The following BMPR1B variants were observed in gnomAD, a reference collection of about 807,000 sequenced individuals.
BMPR1B encodes the protein bone morphogenetic protein receptor type 1B.
In BMPR1B, 12 loss-of-function variants were observed where a neutral mutation model predicts 59.1. That is an observed-to-expected ratio of 0.20 (90% confidence interval 0.13 to 0.33). BMPR1B has a LOEUF of 0.33. Among genes scored for constraint, BMPR1B ranks in the 10% least tolerant of loss-of-function variants. The probability of loss-of-function intolerance (pLI) is 1.00; values close to 1 mark genes in which losing one functional copy is unlikely to be tolerated. For synonymous variants in BMPR1B, 237 were observed against 207.3 expected, an observed-to-expected ratio of 1.14 and a Z score of -1.23; for missense variants, 550 against 610.9, an observed-to-expected ratio of 0.90 and a Z score of 1.05.
At chr4:95,001,126 G>T (rs1578906087) in intron 3 of BMPR1B, among the ~76,000 whole-genome samples, 1 of 152,026 alleles carries the variant, frequency 6.6e-6, no homozygotes, top group East Asian at 1.9e-4. Context: ...AAGCTCTAGG[G>T]TACATGTGCA....
At chr4:94,770,180 GTGTTTGTTTTTT>G (rs781209848) in intron 1 of BMPR1B, among the ~76,000 whole-genome samples, 24 of 106,258 alleles carry the variant, frequency 2.3e-4, no homozygotes, top group East Asian at 6.4e-4. Context: ...CTTCGTTTCT[GTGTTTGTTTTTT>G]TTTTTTTTTT....
At chr4:94,986,145 A>G (rs994197061) in intron 2 of BMPR1B, among the ~76,000 whole-genome samples, 4 of 152,328 alleles carry the variant, frequency 2.6e-5, no homozygotes, top group South Asian at 2.1e-4. Context: ...AAACAAAAAC[A>G]TAAGTAGTTT....
intron 1 of BMPR1B, among the ~76,000 whole-genome samples, chr4:94,784,836 C>T (rs1722705504): frequency 1.3e-5 from 2 of 152,136 alleles, no homozygotes; most frequent in Non-Finnish European, 2.9e-5. Context: ...TCATTGTAAC[C>T]TCATCTTTGA....
chr4:95,091,617 A>G, intron 3 of BMPR1B: 2 of 985,222 alleles, frequency 2.0e-6, no homozygotes, highest in Non-Finnish European at 2.4e-6. Context: ...TCAAGCGTAC[A>G]GAAATCAAAA....
intron 1 of BMPR1B, among the ~76,000 whole-genome samples, chr4:94,841,847 A>G (rs1040828151): frequency 3.9e-5 from 6 of 152,246 alleles, no homozygotes; most frequent in Non-Finnish European, 7.3e-5. Context: ...ATATCTGTGA[A>G]TAAAGTGGTT....
In BMPR1B at chr4:95,025,225, A is replaced by G. The variant is rs538587085; in HGVS notation, c.-18+29091A>G. Among the ~76,000 whole-genome samples, 3 of 152,290 alleles carry G rather than the reference A, an allele frequency of 2.0e-5. No individual in the cohort carries two copies. The South Asian group carries it at 6.2e-4, about 32-fold the overall frequency. ...TCGCAAAGGGGAAAGTGATAAGAAA[A>G]GAGGTCAAAGAATCAGATCGAGGCC... On this transcript the variant is annotated intron_variant, in intron 3 of 12. Coordinates refer to ENST00000515059, the MANE Select transcript of BMPR1B (RefSeq NM_001203.3).
At chr4:95,141,732 C>T (rs1382589524) in intron 10 of BMPR1B, among the ~76,000 whole-genome samples, 1 of 152,152 alleles carries the variant, frequency 6.6e-6, no homozygotes, top group Non-Finnish European at 1.5e-5. Flanking sequence ...CACTCTGAGA[C>T]TTCAGAGTCA....
At chr4:95,100,857 A>G (rs1008625653) in intron 3 of BMPR1B, among the ~76,000 whole-genome samples, 1 of 152,098 alleles carries the variant, frequency 6.6e-6, no homozygotes, top group African/African-American at 2.4e-5. Flanking sequence ...TTGTTTCATG[A>G]TATAATGTAT....
Position 95,125,043 on chromosome 4 carries a change from C to T in BMPR1B, c.507C>T (p.Tyr169=), listed in dbSNP as rs780264116. The change falls in exon 8 of 13, where the codon TAC becomes TAT. Residue 169 remains tyrosine (Y), a synonymous_variant. Coordinates refer to ENST00000515059, the MANE Select transcript of BMPR1B (RefSeq NM_001203.3). The part of the protein sequence containing the change: ...YSIGLEQDET[Y]IPPGESLRDL... ...TTGGGTTAGAACAGGATGAAACTTA[C>T]ATTCCTCCTGGAGAATCCCTGAGAG... 32 of 1,613,366 alleles carry T rather than the reference C, an allele frequency of 2.0e-5. No individual in the cohort carries two copies. Among genetic ancestry groups the T allele is most frequent in the African/African-American group, 4.0e-5 (3 of 74,906 alleles).
At chr4:95,132,051 C>T (rs1193790442) in intron 10 of BMPR1B, among the ~76,000 whole-genome samples, 1 of 152,142 alleles carries the variant, frequency 6.6e-6, no homozygotes, top group East Asian at 1.9e-4. Context: ...CTTAGGGCTG[C>T]TTGGGTTACA....
intron 3 of BMPR1B, among the ~76,000 whole-genome samples, chr4:95,073,626 G>C (rs1728484797): frequency 6.6e-6 from 1 of 152,020 alleles, no homozygotes; most frequent in Non-Finnish European, 1.5e-5. Context: ...TGATACTCTG[G>C]ATAACTTCTT....
At chr4:95,013,123 G>A (rs1578926622) in intron 3 of BMPR1B, among the ~76,000 whole-genome samples, 1 of 151,314 alleles carries the variant, frequency 6.6e-6, no homozygotes, top group Non-Finnish European at 1.5e-5. Flanking sequence ...AAAAAGTTAT[G>A]TGCCCTTTAG....
At chr4:94,875,358 G>A (rs1445956397) in intron 1 of BMPR1B, among the ~76,000 whole-genome samples, 1 of 152,156 alleles carries the variant, frequency 6.6e-6, no homozygotes, top group Non-Finnish European at 1.5e-5. Flanking sequence ...ATGGGAAGAT[G>A]TGCTTTATTT....
At chr4:95,066,212 A>G (rs1284693401) in intron 3 of BMPR1B, among the ~76,000 whole-genome samples, 1 of 152,232 alleles carries the variant, frequency 6.6e-6, no homozygotes, top group East Asian at 1.9e-4. Flanking sequence ...TTACTTTTCT[A>G]CTTGTTAATA....
chr4:95,124,904 G>A lies in BMPR1B; in HGVS notation c.447-79G>A, dbSNP rs372561274. 50 of 1,363,172 alleles carry A rather than the reference G, an allele frequency of 3.7e-5. No homozygotes were observed. The South Asian group carries it at 4.9e-4, about 13-fold the overall frequency. 84.4% of individuals were successfully genotyped at this position (1,363,172 alleles called of 1,614,324 possible). On this transcript the variant is annotated intron_variant, in intron 7 of 12. Transcript: ENST00000515059. ...TTAGGTGCTAAAATAAAACTGCTGT[G>A]ATTACCATTTTAGTTGCAATATTTT...
At chr4:95,030,137 A>G (rs1724721287) in intron 3 of BMPR1B, among the ~76,000 whole-genome samples, 1 of 151,506 alleles carries the variant, frequency 6.6e-6, no homozygotes, top group Non-Finnish European at 1.5e-5. Flanking sequence ...CCCATTTGTC[A>G]ATTTTGGCTT....
intron 1 of BMPR1B, among the ~76,000 whole-genome samples, chr4:94,790,037 A>G (rs1417860029): frequency 1.3e-5 from 2 of 152,186 alleles, no homozygotes; most frequent in Non-Finnish European, 2.9e-5. Context: ...TTTCTTAATA[A>G]CATTTTCTTT....
At chr4:94,989,260 G>A (rs958458738) in intron 2 of BMPR1B, among the ~76,000 whole-genome samples, 2 of 151,604 alleles carry the variant, frequency 1.3e-5, no homozygotes, top group African/African-American at 2.4e-5. Context: ...ATGGTGGTGC[G>A]TGCCTATAGT....
rs372911005 is a variant in BMPR1B, at chr4:95,055,746, T to C, written c.-17-48662T>C. On this transcript the variant is annotated intron_variant, in intron 3 of 12. Transcript: ENST00000515059. ...ACTGAAATTATTTGGTTTCACCTTT[T>C]TTTATTATTTTCAAAATGCTAGCAA... is the stretch of plus-strand genomic sequence containing the variant. Among the ~76,000 whole-genome samples, 22 of 152,354 alleles carry C rather than the reference T, an allele frequency of 1.4e-4. No homozygotes were observed. The East Asian group carries it at 3.3e-3, about 23-fold the overall frequency.
Sources: allele counts gnomAD v4.1 joint callset (sites outside exome capture counted in the v4.1 genomes callset), GRCh38; gene constraint gnomAD v4.1.1; transcripts MANE v1.5; gene names NCBI Gene and HGNC (gene_info 2026-07-23, HGNC 2026-07-21).